CA5A: variants seen among roughly 807,000 people sequenced by gnomAD.
CA5A encodes the protein carbonic anhydrase 5A.
CA5A carries 28 observed loss-of-function variants against 37.1 expected under a neutral mutation model. That is an observed-to-expected ratio of 0.75 (90% CI 0.56 to 1.03). The LOEUF is 1.03. Ranked by LOEUF, CA5A falls within the 50% of genes least tolerant of loss-of-function variation. CA5A has a pLI of 0.00. For synonymous variants in CA5A, 171 were observed against 158.4 expected, an observed-to-expected ratio of 1.08 and a Z score of -0.60; for missense variants, 444 against 399.9, an observed-to-expected ratio of 1.11 and a Z score of -0.94.
chr16:87,884,567 CA>C (rs1213285823), downstream of CA5A: 638 of 111,706 alleles, frequency 5.7e-3, 2 homozygotes, highest in Middle Eastern at 0.01. Flanking sequence ...AACTCTGTCT[CA>C]AAAAAAAAAA....
chr16:87,924,896 G>T (rs1291510352), intron 2 of CA5A, among the ~76,000 whole-genome samples: 2 of 152,220 alleles, frequency 1.3e-5, no homozygotes, highest in Non-Finnish European at 2.9e-5. Context: ...CCGGCCTGGG[G>T]TGGCCTCGAT....
At position 87,907,796 on chromosome 16, in the gene CA5A, G is replaced by A. The variant is rs2143977937; in HGVS notation, c.341-2892C>T. Among the ~76,000 whole-genome samples, 3 of 152,248 alleles carry A rather than the reference G, an allele frequency of 2.0e-5. No homozygotes were observed. In the Middle Eastern group the frequency reaches 0.01, roughly 518 times the overall value. On this transcript the variant is annotated intron_variant, in intron 2 of 6. Transcript: ENST00000649794. ...AAAAAATTAGCCAGGTGTGGTGGCAGGTGCCTGTAATCCCAGCTACTTGGG... is the reference window on the plus strand; with the variant it reads ...AAAAAATTAGCCAGGTGTGGTGGCAAGTGCCTGTAATCCCAGCTACTTGGG...
chr16:87,923,939 G>A (rs1009057807), intron 2 of CA5A: 3 of 984,858 alleles, frequency 3.0e-6, no homozygotes, highest in African/African-American at 1.7e-5. Flanking sequence ...TCAATATTTT[G>A]AAGTGGCTGC....
downstream of CA5A, chr16:87,886,567 GT>G (rs2055649831): frequency 6.6e-6 from 1 of 152,074 alleles, no homozygotes; most frequent in Non-Finnish European, 1.5e-5. Context: ...TGGATATCCC[GT>G]TGGCTCGGTG....
chr16:87,913,354 G>A (rs1431405151), intron 2 of CA5A, among the ~76,000 whole-genome samples: 1 of 144,932 alleles, frequency 6.9e-6, no homozygotes, highest in East Asian at 2.0e-4. Flanking sequence ...CCAGGCTGGA[G>A]TGCAATGGTG....
intron 2 of CA5A, among the ~76,000 whole-genome samples, 165 bp downstream of exon 2, chr16:87,926,583 C>A (rs1388168089): frequency 2.6e-5 from 4 of 152,242 alleles, no homozygotes; most frequent in African/African-American, 9.6e-5. Flanking sequence ...AACCTTCACA[C>A]CATCCCCCAG....
In CA5A at chr16:87,888,119, C is replaced by T. The variant is rs201680949; in HGVS notation, c.*10G>A. 718 of 1,592,760 alleles carry T rather than the reference C, an allele frequency of 4.5e-4. 1 individual carries two copies. Among genetic ancestry groups the T allele is most frequent in the Admixed American group, 1.5e-3 (88 of 56,852 alleles). ...AAGTCAGTTCTGCTATTCATGTGGA[C>T]CTAATGTCTCTAGGACCTTGTGCCC... On this transcript the variant is annotated 3_prime_UTR_variant, in exon 7 of 7. Coordinates refer to ENST00000649794, the MANE Select transcript of CA5A (RefSeq NM_001739.2).
rs375928926 is a variant in CA5A, at chr16:87,891,196, G to C, written c.774+603C>G. Among the ~76,000 whole-genome samples the C allele has an allele frequency of 1.5e-4, 22 of 151,630 alleles. No individual in the cohort carries two copies. The East Asian group carries it at 3.1e-3, about 21-fold the overall frequency. ...AGATAAGAAAAAGGAGGCCGGGCTC[G>C]GTGGCTTATGCCTGGAATCCCAGCG... On this transcript the variant is annotated intron_variant, in intron 6 of 6. Transcript: ENST00000649794.
chr16:87,917,716 AACACGTGCACACACACATGAAC>A (rs1047626005), intron 2 of CA5A, among the ~76,000 whole-genome samples: 1 of 64,756 alleles, frequency 1.5e-5, no homozygotes, highest in African/African-American at 4.4e-5. Context: ...CACACACATG[AACACGTGCACACACACATGAAC>A]ACACATGCAC....
At chr16:87,936,273 C>G (rs2144117556) in intron 1 of CA5A, 36 bp downstream of exon 1, 4 of 1,470,712 alleles carry the variant, frequency 2.7e-6, no homozygotes, top group Non-Finnish European at 3.8e-6. Flanking sequence ...AGACAAGGAT[C>G]CAGTCGCATC....
chr16:87,924,002 G>C, intron 2 of CA5A: 1 of 985,414 alleles, frequency 1.0e-6, no homozygotes, highest in Non-Finnish European at 1.2e-6. Context: ...GCCAATCTGA[G>C]TTGCTTCTTG....
intron 5 of CA5A, among the ~76,000 whole-genome samples, chr16:87,896,463 C>T (rs560062685): frequency 5.8e-4 from 89 of 152,242 alleles, no homozygotes; most frequent in African/African-American, 2.1e-3. Flanking sequence ...AAATCAGGGC[C>T]CTTCCTTTAT....
chr16:87,936,171 T>TAAA lies in CA5A; in HGVS notation c.142+135_142+137dup, dbSNP rs57177923. 2,110 of 433,960 alleles carry TAAA rather than the reference T, an allele frequency of 4.9e-3. 5 individuals carry two copies. The highest frequency in any genetic ancestry group is 0.015 in the African/African-American group (595 of 39,180). 26.9% of individuals were successfully genotyped at this position (433,960 alleles called of 1,614,324 possible). On this transcript the variant is annotated intron_variant, in intron 1 of 6. Coordinates refer to ENST00000649794, the MANE Select transcript of CA5A (RefSeq NM_001739.2). ...TGGGCCACAGAGCGAGACGCCATCT[T>TAAA]AAAAAAAAAAAAAAAAAAACGGAGT...
At position 87,902,549 on chromosome 16, in the gene CA5A, T is replaced by C. The variant is rs933144165; in HGVS notation, c.460-29A>G. On this transcript the variant is annotated intron_variant, in intron 3 of 6. Coordinates refer to ENST00000649794, the MANE Select transcript of CA5A (RefSeq NM_001739.2). Reference sequence around the variant, plus strand: ...AAACACAATGGAAAGAGAACTTAAATTGATCAGCAAGAAATAAGACAGTCA... The same window carrying C: ...AAACACAATGGAAAGAGAACTTAAACTGATCAGCAAGAAATAAGACAGTCA... 3.4e-6 allele frequency: 4 copies of C among 1,166,570 alleles called. No homozygotes were observed. In the African/African-American group the frequency reaches 4.5e-5, roughly 13 times the overall value. 72.3% of individuals were successfully genotyped at this position (1,166,570 alleles called of 1,614,324 possible).
At chr16:87,889,978 G>A (rs886114820) in intron 6 of CA5A, among the ~76,000 whole-genome samples, 13 of 152,160 alleles carry the variant, frequency 8.5e-5, no homozygotes, top group African/African-American at 2.2e-4. Context: ...CATGGTGCAC[G>A]TGGCCTCCTG....
downstream of CA5A, chr16:87,885,591 G>C (rs1014887233): frequency 3.3e-5 from 5 of 152,906 alleles, no homozygotes; most frequent in Admixed American, 3.3e-4. Context: ...GAACCCAGCA[G>C]CAGCTCCAAA....
intron 2 of CA5A, chr16:87,923,954 A>T (rs1257769953): frequency 1.0e-6 from 1 of 984,984 alleles, no homozygotes; most frequent in African/African-American, 1.7e-5. Context: ...GGCTGCATGA[A>T]GAATTTTTAA....
At chr16:87,892,810 C>T in intron 5 of CA5A, 1 of 281,492 alleles carries the variant, frequency 3.6e-6, no homozygotes, top group Non-Finnish European at 6.6e-6. Context: ...CGCCTGCCAC[C>T]ACGCCCAGCT....
chr16:87,897,509 T>C (rs188321254), intron 5 of CA5A, among the ~76,000 whole-genome samples: 2,188 of 105,878 alleles, frequency 0.021, 47 homozygotes, highest in African/African-American at 0.074. Context: ...GCAGATGGGA[T>C]GGTGCTGGGG....
Sources: gnomAD v4.1 joint callset for allele counts (sites outside exome capture counted in the v4.1 genomes callset) on GRCh38, gnomAD v4.1.1 for gene constraint, MANE v1.5 for transcripts, NCBI Gene and HGNC (gene_info 2026-07-23, HGNC 2026-07-21) for gene names.